Variants in PCDHA1 observed in about 807,000 individuals in gnomAD.
The protein encoded by PCDHA1 is protocadherin alpha-1.
PCDHA1 carries 42 observed loss-of-function variants against 61.3 expected under a neutral mutation model. The observed-to-expected ratio is 0.69, with a 90% CI of 0.54 to 0.89. PCDHA1 has a LOEUF of 0.89. PCDHA1 is among the 40% of genes least tolerant of loss of function. PCDHA1 has a pLI of 0.00. For missense variants in PCDHA1, 1,256 were observed against 1,235.3 expected, an observed-to-expected ratio of 1.02 and a Z score of -0.25; for synonymous variants, 610 against 553.8, an observed-to-expected ratio of 1.10 and a Z score of -1.43.
chr5:140,803,182 C>A, intron 1 of PCDHA1: 2 of 1,613,918 alleles, frequency 1.2e-6, no homozygotes, highest in Middle Eastern at 1.6e-4. Context: ...TTGACCGCCA[C>A]GGCCACTGTG....
At chr5:140,985,936 T>C (rs1379150817) in intron 3 of PCDHA1, among the ~76,000 whole-genome samples, 3 of 152,038 alleles carry the variant, frequency 2.0e-5, no homozygotes, top group Non-Finnish European at 2.9e-5. Context: ...AGCCGGGGTT[T>C]CACTGTGTTA....
chr5:140,788,786 C>T (rs1581600498), intron 1 of PCDHA1, 102 bp downstream of exon 1: 2 of 1,435,892 alleles, frequency 1.4e-6, no homozygotes, highest in South Asian at 3.1e-5. Flanking sequence ...AAGGTGTTCA[C>T]TAACGTTGAA....
chr5:140,857,483 T>C lies in PCDHA1; in HGVS notation c.2394+68799T>C, dbSNP rs781790244. 2.8e-5 allele frequency: 44 copies of C among 1,598,450 alleles called. 2 individuals carry two copies. Among genetic ancestry groups the C allele is most frequent in the Non-Finnish European group, 3.2e-5 (37 of 1,167,868 alleles). On this transcript the variant is annotated intron_variant, in intron 1 of 3. Transcript: ENST00000504120. ...CTGCCACATCTTCACGGTGTCTGCG[T>C]GGGACGCGGACGCGCAGGAGAACGC...
intron 1 of PCDHA1, among the ~76,000 whole-genome samples, chr5:140,972,288 C>T (rs1263314074): frequency 2.0e-5 from 3 of 150,942 alleles, no homozygotes; most frequent in African/African-American, 4.9e-5. Context: ...CATAGATGTG[C>T]GCCACCGTGT....
At chr5:140,821,664 A>T in intron 1 of PCDHA1, 1 of 1,232,770 alleles carries the variant, frequency 8.1e-7, no homozygotes, top group Non-Finnish European at 1.1e-6. Flanking sequence ...GGCTGTGCCA[A>T]GAAGCTCAGA....
At chr5:140,857,386 C>T (rs782509093) in intron 1 of PCDHA1, 1 of 1,598,308 alleles carries the variant, frequency 6.3e-7, no homozygotes. Context: ...AGGTGGCCGA[C>T]GTGAACGACA....
intron 1 of PCDHA1, among the ~76,000 whole-genome samples, chr5:140,964,981 T>C (rs2095867317): frequency 6.6e-6 from 1 of 152,188 alleles, no homozygotes; most frequent in Non-Finnish European, 1.5e-5. Context: ...ATGTGCTAGT[T>C]CAGGCCTTTG....
chr5:140,840,441 T>C (rs1163219857), intron 1 of PCDHA1, among the ~76,000 whole-genome samples: 1 of 151,848 alleles, frequency 6.6e-6, no homozygotes, highest in Non-Finnish European at 1.5e-5. Context: ...GCCGTGGAAA[T>C]AGAAACGTTA....
intron 1 of PCDHA1, among the ~76,000 whole-genome samples, chr5:140,806,072 A>G (rs1333046809): frequency 1.3e-5 from 2 of 152,232 alleles, no homozygotes; most frequent in Non-Finnish European, 2.9e-5. Context: ...CTGGTGCTGC[A>G]GTTTGTAAAA....
chr5:140,986,238 A>G (rs1358537911), intron 3 of PCDHA1, among the ~76,000 whole-genome samples: 1 of 152,152 alleles, frequency 6.6e-6, no homozygotes. Context: ...CCTCTGTGTG[A>G]GCAGACCCGG....
At chr5:140,876,554 A>C (rs2056417075) in intron 1 of PCDHA1, 2 of 1,614,052 alleles carry the variant, frequency 1.2e-6, no homozygotes, top group African/African-American at 2.7e-5. Context: ...CCTGTGCAAG[A>C]GGATGCTCAG....
rs1256461262 is a variant in PCDHA1, at chr5:140,982,640, A to T, written c.2542+77A>T. On this transcript the variant is annotated intron_variant, in intron 3 of 3. Transcript: ENST00000504120. ...ATGACCTACTTTTGTAAGATCAGGA[A>T]TGTTGATGGCTCTTTTTCTTTTATA... 3 of 1,544,442 alleles carry T rather than the reference A, an allele frequency of 1.9e-6. No individual in the cohort carries two copies. The African/African-American group carries it at 4.2e-5, about 21-fold the overall frequency.
chr5:140,854,252 TA>T, intron 1 of PCDHA1: 1 of 628,060 alleles, frequency 1.6e-6, no homozygotes, highest in Non-Finnish European at 2.0e-6. Flanking sequence ...TCACTTGGTA[TA>T]AAATGTACAT....
At chr5:140,924,902 A>AT (rs1563068435) in intron 1 of PCDHA1, among the ~76,000 whole-genome samples, 2 of 39,026 alleles carry the variant, frequency 5.1e-5, no homozygotes, top group Non-Finnish European at 1.3e-4. Context: ...CTCAAAAAAA[A>AT]AAATAAAATA....
intron 1 of PCDHA1, chr5:140,881,332 C>G (rs923599590): frequency 1.0e-6 from 1 of 984,540 alleles, no homozygotes; most frequent in East Asian, 1.1e-4. Context: ...TTAACCAGGA[C>G]GCCGATTCGG....
At chr5:140,830,282 G>T (rs2150184227) in intron 1 of PCDHA1, 4 of 1,613,822 alleles carry the variant, frequency 2.5e-6, no homozygotes, top group Admixed American at 1.7e-5. Flanking sequence ...CACCGAGGGC[G>T]CGTGCACGGC....
chr5:140,945,076 C>G (rs2093735426), intron 1 of PCDHA1, among the ~76,000 whole-genome samples: 1 of 152,104 alleles, frequency 6.6e-6, no homozygotes, highest in South Asian at 2.1e-4. Flanking sequence ...TCCACCAAAA[C>G]ACTCTTGGAA....
At position 140,787,691 on chromosome 5, in the gene PCDHA1, C is replaced by G. The variant is rs1554117933; in HGVS notation, c.1401C>G (p.Asn467Lys). The G allele has an allele frequency of 6.2e-7, 1 of 1,613,942 alleles. No homozygotes were observed. The highest frequency in any genetic ancestry group is 1.1e-5 in the South Asian group (1 of 91,072). The change falls in exon 1 of 4, where the codon AAC becomes AAG. Residue 467 changes from asparagine to lysine, a missense_variant. Transcript: ENST00000504120. ...AGTACACAGTATTCGTGAAGGAGAA[C>G]AACCCGCCGGGCTGCCACATCTTCA... is the stretch of plus-strand genomic sequence containing the variant. ...QPEYTVFVKE[N>K]NPPGCHIFTV...
chr5:140,928,843 A>T (rs782153694), intron 1 of PCDHA1: 3 of 1,614,018 alleles, frequency 1.9e-6, no homozygotes, highest in Non-Finnish European at 2.5e-6. Flanking sequence ...CTCCTCTGTC[A>T]CTCTGGGTGT....
Sources: allele counts gnomAD v4.1 joint callset (sites outside exome capture counted in the v4.1 genomes callset), GRCh38; gene constraint gnomAD v4.1.1; transcripts MANE v1.5; gene names NCBI Gene and HGNC (gene_info 2026-07-23, HGNC 2026-07-21).